DYRK4: variants seen among roughly 807,000 people sequenced by gnomAD.
DYRK4 encodes the protein dual specificity tyrosine-phosphorylation-regulated kinase 4.
A neutral mutation model predicts 68.3 loss-of-function variants in DYRK4; 64 were observed. The ratio of observed to expected loss-of-function variants is 0.94; its 90% CI spans 0.77 to 1.15. The LOEUF (loss-of-function observed/expected upper bound fraction) is 1.15. DYRK4 is among the 50% of genes most tolerant of loss of function. The pLI, the probability that DYRK4 is intolerant of heterozygous loss-of-function variation, is 0.00. For synonymous variants in DYRK4, 274 were observed against 289.9 expected (o/e 0.95, Z 0.56); for missense variants, 740 against 764.7 (o/e 0.97, Z 0.38).
intron 10 of DYRK4, among the ~76,000 whole-genome samples, chr12:4,600,561 G>A (rs1945069789): frequency 6.7e-6 from 1 of 149,620 alleles, no homozygotes; most frequent in Non-Finnish European, 1.5e-5. Flanking sequence ...TCCTGAGGCT[G>A]AAGACGGGAC....
intron 1 of DYRK4, among the ~76,000 whole-genome samples, chr12:4,563,575 A>G (rs1368019173): frequency 1.3e-5 from 2 of 152,222 alleles, no homozygotes; most frequent in African/African-American, 4.8e-5. Context: ...CAATGAGTAG[A>G]ACATAATCCA....
At chr12:4,598,674 G>C (rs1456977251) in intron 8 of DYRK4, among the ~76,000 whole-genome samples, 1 of 152,200 alleles carries the variant, frequency 6.6e-6, no homozygotes, top group African/African-American at 2.4e-5. Context: ...GGCAGGAGTG[G>C]CTGCTTGTTT....
intron 2 of DYRK4, among the ~76,000 whole-genome samples, chr12:4,571,681 T>G (rs971443192): frequency 6.6e-6 from 1 of 152,252 alleles, no homozygotes; most frequent in Non-Finnish European, 1.5e-5. Flanking sequence ...TAAAATAATT[T>G]TATATGTTTA....
At chr12:4,588,416 A>T (rs1247687693) in intron 2 of DYRK4, among the ~76,000 whole-genome samples, 1 of 152,126 alleles carries the variant, frequency 6.6e-6, no homozygotes, top group African/African-American at 2.4e-5. Context: ...GCCCTCTGGG[A>T]CACACTGCTC....
At chr12:4,606,219 A>T (rs1221647461) in intron 11 of DYRK4, among the ~76,000 whole-genome samples, 3 of 152,238 alleles carry the variant, frequency 2.0e-5, no homozygotes. Context: ...TAAAAATTTT[A>T]AATTTTACAT....
chr12:4,584,210 G>A (rs1944871330), intron 2 of DYRK4, among the ~76,000 whole-genome samples: 1 of 152,192 alleles, frequency 6.6e-6, no homozygotes, highest in African/African-American at 2.4e-5. Flanking sequence ...TTAAAATACA[G>A]GTTTCTGGGC....
chr12:4,566,303 G>A (rs150664444), intron 1 of DYRK4, among the ~76,000 whole-genome samples: 8 of 152,276 alleles, frequency 5.3e-5, no homozygotes, highest in East Asian at 1.9e-4. Flanking sequence ...CTTGGACTAC[G>A]TGCCCCTTTA....
At chr12:4,610,494 T>C (rs1945207192) in intron 13 of DYRK4, 1 of 435,746 alleles carries the variant, frequency 2.3e-6, no homozygotes, top group South Asian at 5.3e-5. Flanking sequence ...GCAGATGATT[T>C]GCTCTGTTTT....
chr12:4,574,009 A>C (rs1944758381), intron 2 of DYRK4, among the ~76,000 whole-genome samples: 1 of 152,178 alleles, frequency 6.6e-6, no homozygotes, highest in Admixed American at 6.5e-5. Context: ...GTGGATCACA[A>C]GGTCAGGAGA....
At chr12:4,604,772 T>G (rs56342853) in intron 10 of DYRK4, 142 bp from the exon 11 acceptor site, 2 of 932,750 alleles carry the variant, frequency 2.1e-6, no homozygotes, top group African/African-American at 3.4e-5. Context: ...GATGGTGTAA[T>G]GGGAGTTCTA....
At position 4,586,729 on chromosome 12, in the gene DYRK4, C is replaced by CACACACACACACACAG. The variant is rs368783190; in HGVS notation, c.133-2205_133-2204insCACACACACACAGACA. On this transcript the variant is annotated intron_variant, in intron 2 of 14. Coordinates refer to ENST00000543431, the MANE Select transcript of DYRK4 (RefSeq NM_001394779.1). ...GTACACACACACACACACACACACA[C>CACACACACACACACAG]ACAGACACACACACACACCCCTTTG... is the stretch of plus-strand genomic sequence containing the variant. 6.5e-3 allele frequency among the ~76,000 whole-genome samples: 736 copies of CACACACACACACACAG among 112,464 alleles called. 10 individuals carry two copies. Among genetic ancestry groups the CACACACACACACACAG allele is most frequent in the African/African-American group, 0.018 (632 of 35,218 alleles). The allele number at this position is 112,464 out of a possible 152,430, so 73.8% of individuals were successfully genotyped here. A position where few individuals can be genotyped will look rare whatever the true frequency, so the allele number is the denominator to read the frequency against.
chr12:4,593,309 C>G, intron 6 of DYRK4, 144 bp downstream of exon 6: 1 of 904,634 alleles, frequency 1.1e-6, no homozygotes, highest in Non-Finnish European at 1.6e-6. Context: ...TAGTGCCAAA[C>G]CAAGGAAATA....
At chr12:4,577,855 A>G (rs1387029025) in intron 2 of DYRK4, among the ~76,000 whole-genome samples, 1 of 152,128 alleles carries the variant, frequency 6.6e-6, no homozygotes, top group Non-Finnish European at 1.5e-5. Context: ...ATTTTGTCAT[A>G]TTTATAGTTA....
At chr12:4,603,195 C>T in intron 10 of DYRK4, 1 of 1,186,408 alleles carries the variant, frequency 8.4e-7, no homozygotes, top group Non-Finnish European at 1.3e-6. Flanking sequence ...CTTGGTGAGA[C>T]CTCATCCTGC....
intron 3 of DYRK4, among the ~76,000 whole-genome samples, chr12:4,589,905 G>T (rs376631573): frequency 4.6e-5 from 7 of 152,204 alleles, no homozygotes; most frequent in Admixed American, 1.3e-4. Flanking sequence ...GATATAACAG[G>T]AAGAACTTCC....
At position 4,610,012 on chromosome 12, in the gene DYRK4, G is replaced by C. The variant is rs1275837854; in HGVS notation, c.1361-143G>C. ...TGGTTATTTCAAACTGAGTGTGTGT[G>C]TGTGTGTTTATTGGGGTGTGGCATG... is the stretch of plus-strand genomic sequence containing the variant. On this transcript the variant is annotated intron_variant, in intron 12 of 14. Transcript: ENST00000543431. The C allele has an allele frequency of 5.6e-6, 3 of 535,754 alleles. No homozygotes were observed. In the African/African-American group the frequency reaches 5.9e-5, roughly 11 times the overall value. 33.2% of individuals were successfully genotyped at this position (535,754 alleles called of 1,614,324 possible). A position where few individuals can be genotyped will look rare whatever the true frequency, so the allele number is the denominator to read the frequency against.
chr12:4,608,783 G>T (rs1045459453), intron 12 of DYRK4, among the ~76,000 whole-genome samples: 1 of 152,146 alleles, frequency 6.6e-6, no homozygotes, highest in South Asian at 2.1e-4. Context: ...GGTAATCATG[G>T]CTGGAGCTTT....
rs116341576 is a variant in DYRK4 at position 4,570,986 on chromosome 12, G to T, written c.132+2938G>T. On this transcript the variant is annotated intron_variant, in intron 2 of 14. Transcript: ENST00000543431. ...CAGGAAAATGCTGTGTGTTGTATTT[G>T]TCGTAACTGCCGGCAGGGGAAACAG... is the stretch of plus-strand genomic sequence containing the variant. 4.6e-3 allele frequency among the ~76,000 whole-genome samples: 706 copies of T among 152,294 alleles called. 6 individuals are homozygous for T. The highest frequency in any genetic ancestry group is 0.016 in the African/African-American group (670 of 41,544).
intron 2 of DYRK4, among the ~76,000 whole-genome samples, chr12:4,569,531 G>T (rs1487699222): frequency 1.3e-5 from 2 of 152,160 alleles, no homozygotes; most frequent in African/African-American, 4.8e-5. Context: ...TACAGAGGGG[G>T]AAATTAATAT....
Sources: gnomAD v4.1 joint callset for allele counts (sites outside exome capture counted in the v4.1 genomes callset) on GRCh38, gnomAD v4.1.1 for gene constraint, MANE v1.5 for transcripts, NCBI Gene and HGNC (gene_info 2026-07-23, HGNC 2026-07-21) for gene names.